The following PATL1 variants were observed in gnomAD, a reference collection of about 807,000 sequenced individuals.
PATL1 encodes the protein PAT1 homolog 1, processing body mRNA decay factor.
Under a neutral mutation model 100.6 loss-of-function variants are expected in PATL1, and 32 were observed. The ratio of observed to expected loss-of-function variants is 0.32; its 90% CI spans 0.24 to 0.43. PATL1 has a LOEUF of 0.43. Among genes scored for constraint, PATL1 ranks in the 20% least tolerant of loss-of-function variants. The pLI, the probability that PATL1 is intolerant of heterozygous loss-of-function variation, is 1.00. For missense variants in PATL1, 747 were observed against 949.9 expected (o/e 0.79, Z 2.81); for synonymous variants, 332 against 330.0 (o/e 1.01, Z -0.07).
At chr11:59,648,302 C>T (rs1237134089) in intron 14 of PATL1, among the ~76,000 whole-genome samples, 1 of 150,232 alleles carries the variant, frequency 6.7e-6, no homozygotes, top group African/African-American at 2.4e-5. Flanking sequence ...TCTCCTGCCT[C>T]AGTCTCCTGA....
At chr11:59,668,565 T>A (rs1026164142) in intron 1 of PATL1, among the ~76,000 whole-genome samples, 1 of 149,950 alleles carries the variant, frequency 6.7e-6, no homozygotes, top group Admixed American at 6.6e-5. Flanking sequence ...GGAGATGCAG[T>A]GCTCTACCCT....
chr11:59,652,866 T>C lies in PATL1; in HGVS notation c.1274A>G (p.Asp425Gly). The C allele has an allele frequency of 6.2e-7, 1 of 1,613,812 alleles. No homozygotes were observed. Among genetic ancestry groups the C allele is most frequent in the Non-Finnish European group, 8.5e-7 (1 of 1,179,866 alleles). Residue 425 changes from aspartate to glycine, a missense_variant, in exon 10 of 19, where the codon GAT becomes GGT. Transcript: ENST00000300146. ...KIQMMQLQST[D>G]PYLDDFYYQN... The stretch of plus-strand genomic sequence containing the variant: ...GTAATAAAAATCATCCAGGTAGGGA[T>C]CAGTGCTTTGCAGTTGCATCATCTG...
At chr11:59,656,982 G>A in intron 5 of PATL1, 2 of 711,482 alleles carry the variant, frequency 2.8e-6, no homozygotes, top group Non-Finnish European at 3.4e-6. Context: ...CCTGTGATAT[G>A]GCCGCCATGC....
At chr11:59,646,654 T>C (rs898502247) in intron 15 of PATL1, among the ~76,000 whole-genome samples, 24 of 152,228 alleles carry the variant, frequency 1.6e-4, no homozygotes, top group Non-Finnish European at 2.4e-4. Context: ...TGGGGACTCA[T>C]TACTTAGATC....
At chr11:59,666,766 C>G (rs1861696799) in intron 2 of PATL1, 87 bp downstream of exon 2, 1 of 1,354,240 alleles carries the variant, frequency 7.4e-7, no homozygotes, top group Non-Finnish European at 9.9e-7. Flanking sequence ...ATAAGGTTAC[C>G]CCTAATAAGA....
chr11:59,664,869 C>T (rs2134762840), intron 2 of PATL1, among the ~76,000 whole-genome samples: 1 of 152,336 alleles, frequency 6.6e-6, no homozygotes, highest in East Asian at 1.9e-4. Flanking sequence ...CCACAAATAG[C>T]TTATTGTGTC....
intron 1 of PATL1, 45 bp downstream of exon 1, chr11:59,668,836 G>C (rs887205216): frequency 5.0e-5 from 63 of 1,256,790 alleles, no homozygotes; most frequent in Non-Finnish European, 6.5e-5. Context: ...GAGGGAGAGG[G>C]GCGCGGGAGG....
intron 16 of PATL1, 106 bp downstream of exon 16, chr11:59,642,774 A>G (rs1018496137): frequency 8.0e-7 from 1 of 1,254,268 alleles, no homozygotes; most frequent in African/African-American, 1.5e-5. Context: ...CTTGACTGAA[A>G]GAAGCCTTTT....
chr11:59,643,417 T>C (rs1167293309), intron 15 of PATL1, among the ~76,000 whole-genome samples: 2 of 151,638 alleles, frequency 1.3e-5, no homozygotes, highest in Non-Finnish European at 2.9e-5. Context: ...GCGGAGAAGA[T>C]ATGGGTTAAT....
At chr11:59,646,423 C>A (rs186656951) in intron 15 of PATL1, among the ~76,000 whole-genome samples, 1 of 151,928 alleles carries the variant, frequency 6.6e-6, no homozygotes, top group Non-Finnish European at 1.5e-5. Context: ...TGGCCTCAAG[C>A]GATCCACTTG....
rs902430437 is a variant in PATL1 at position 59,637,544 on chromosome 11, C to A, written c.*846G>T. On this transcript the variant is annotated 3_prime_UTR_variant, in exon 19 of 19. Transcript: ENST00000300146. ...TACTAGTGAGGATCATCCTGGGTGA[C>A]TTCGAATGCACTTGAGGGGAAAGGC... The A allele has an allele frequency of 1.3e-5, 2 of 152,644 alleles. No homozygotes were observed. The highest frequency in any genetic ancestry group is 4.8e-5 in the African/African-American group (2 of 41,442). The allele number at this position is 152,644 out of a possible 1,614,324, so 9.5% of individuals were successfully genotyped here. A position where few individuals can be genotyped will look rare whatever the true frequency, so the allele number is the denominator to read the frequency against.
intron 9 of PATL1, 147 bp downstream of exon 9, chr11:59,653,836 T>C (rs764642735): frequency 7.6e-6 from 5 of 653,888 alleles, no homozygotes; most frequent in African/African-American, 1.8e-5. Context: ...ATTATGCTTT[T>C]CATATTTACA....
chr11:59,654,875 G>A (rs1373056942), intron 8 of PATL1, among the ~76,000 whole-genome samples: 1 of 152,180 alleles, frequency 6.6e-6, no homozygotes, highest in Non-Finnish European at 1.5e-5. Context: ...TGTGGGTGGA[G>A]CTCATCCAGC....
chr11:59,659,879 G>T (rs1861604491), intron 2 of PATL1, among the ~76,000 whole-genome samples: 1 of 152,130 alleles, frequency 6.6e-6, no homozygotes, highest in South Asian at 2.1e-4. Flanking sequence ...AATTCCAGAA[G>T]ATAGGTAGAA....
rs1230026222 is a variant in PATL1, at chr11:59,643,576, C to T, written c.1894-541G>A. Reference sequence around the variant, plus strand: ...ATAAAAAAGTTTCACCTGTAGTCCCCAGCTACTCAATAGGCTGAGGTGGTA... The same window carrying T: ...ATAAAAAAGTTTCACCTGTAGTCCCTAGCTACTCAATAGGCTGAGGTGGTA... On this transcript the variant is annotated intron_variant, in intron 15 of 18. Transcript: ENST00000300146. Among the ~76,000 whole-genome samples the T allele has an allele frequency of 3.9e-5, 6 of 152,106 alleles. No homozygotes were observed. The South Asian group carries it at 1.2e-3, about 32-fold the overall frequency.
chr11:59,661,152 C>G (rs780140848), intron 2 of PATL1, among the ~76,000 whole-genome samples: 2 of 152,196 alleles, frequency 1.3e-5, no homozygotes, highest in East Asian at 3.8e-4. Context: ...ATGGCGTGAT[C>G]TGGCTCACTG....
chr11:59,645,871 AT>A (rs1861357718), intron 15 of PATL1, among the ~76,000 whole-genome samples: 1 of 152,100 alleles, frequency 6.6e-6, no homozygotes, highest in South Asian at 2.1e-4. Flanking sequence ...ACATTTCATG[AT>A]TCAGACCTAG....
intron 15 of PATL1, among the ~76,000 whole-genome samples, chr11:59,645,912 T>C (rs1324948232): frequency 6.6e-6 from 1 of 152,174 alleles, no homozygotes; most frequent in East Asian, 1.9e-4. Flanking sequence ...AAAATGGTAT[T>C]TAGAGATGTG....
At chr11:59,649,632 G>A (rs1861413080) in intron 13 of PATL1, 22 bp from the exon 14 acceptor site, 2 of 1,607,446 alleles carry the variant, frequency 1.2e-6, no homozygotes, top group African/African-American at 1.3e-5. Context: ...GACAAAAGCA[G>A]GCCACAGCAT....
Sources: gnomAD v4.1 joint callset for allele counts (sites outside exome capture counted in the v4.1 genomes callset) on GRCh38, gnomAD v4.1.1 for gene constraint, MANE v1.5 for transcripts, NCBI Gene and HGNC (gene_info 2026-07-23, HGNC 2026-07-21) for gene names.